Variants in RASSF3 observed in about 807,000 individuals in gnomAD.
RASSF3 encodes the protein ras association domain-containing protein 3.
In RASSF3, 19 loss-of-function variants were observed where a neutral mutation model predicts 19.9. The ratio of observed to expected loss-of-function variants is 0.96; its 90% confidence interval spans 0.67 to 1.40. The LOEUF (loss-of-function observed/expected upper bound fraction) is 1.40, where lower values mean the gene tolerates loss of function less well. Among genes scored for constraint, RASSF3 ranks in the 40% most tolerant of loss-of-function variants. The pLI is 0.00. For synonymous variants in RASSF3, 110 were observed against 104.2 expected, an observed-to-expected ratio of 1.06 and a Z score of -0.34; for missense variants, 306 against 289.8, an observed-to-expected ratio of 1.06 and a Z score of -0.41.
chr12:64,548,335 G>T (rs931728867), intron 2 of RASSF3, among the ~76,000 whole-genome samples: 32 of 130,416 alleles, frequency 2.5e-4, no homozygotes, highest in African/African-American at 7.6e-4. Flanking sequence ...ATCATGCCCA[G>T]CTAGTTTTTT....
chr12:64,513,925 G>T (rs1008536504), intron 1 of RASSF3, among the ~76,000 whole-genome samples: 1 of 152,086 alleles, frequency 6.6e-6, no homozygotes, highest in African/African-American at 2.4e-5. Flanking sequence ...TGTCACCCAG[G>T]CTGGAGTGCA....
chr12:64,568,989 C>A (rs1386683756), intron 2 of RASSF3, among the ~76,000 whole-genome samples: 1 of 152,198 alleles, frequency 6.6e-6, no homozygotes, highest in South Asian at 2.1e-4. Flanking sequence ...GGATTACAGG[C>A]GTGAGCCACT....
rs896759564 is a variant in RASSF3, at chr12:64,519,400, G to A, written c.169+12071G>A. ...CCAGCCTGGGTGACAGAGCAAGGCC[G>A]TCTCAAATACGTATATATATATATA... On this transcript the variant is annotated intron_variant, in intron 1 of 5. Transcript: ENST00000637125. Among the ~76,000 whole-genome samples the A allele has an allele frequency of 3.0e-4, 46 of 152,086 alleles. 1 individual carries two copies. Among genetic ancestry groups the A allele is most frequent in the African/African-American group, 1.1e-3 (44 of 41,484 alleles).
chr12:64,684,013 AGTGTGTGT>A (rs10598381), intron 1 of RASSF3, among the ~76,000 whole-genome samples: 3 of 138,400 alleles, frequency 2.2e-5, no homozygotes, highest in African/African-American at 5.3e-5. Flanking sequence ...AGAGAGAGTG[AGTGTGTGT>A]GTGTGTGTGT....
At chr12:64,607,450 A>G (rs1870214002), upstream of RASSF3, among the ~76,000 whole-genome samples, 1 of 151,134 alleles carries the variant, frequency 6.6e-6, no homozygotes, top group Non-Finnish European at 1.5e-5. Flanking sequence ...GCTCACTGCA[A>G]CCTCTGCCTC....
intron 1 of RASSF3, among the ~76,000 whole-genome samples, chr12:64,641,635 C>CT (rs1439745358): frequency 9.2e-5 from 9 of 97,962 alleles, no homozygotes; most frequent in East Asian, 3.0e-4. Context: ...ATCTCTCTCT[C>CT]TCTTTTTTTT....
At chr12:64,636,984 A>T (rs1225956485) in intron 1 of RASSF3, among the ~76,000 whole-genome samples, 1 of 152,052 alleles carries the variant, frequency 6.6e-6, no homozygotes, top group Non-Finnish European at 1.5e-5. Flanking sequence ...AGATACAGTT[A>T]GGTTATTCCA....
chr12:64,679,047 C>T lies in RASSF3; in HGVS notation c.112-5740C>T, dbSNP rs1873019064. Among the ~76,000 whole-genome samples the T allele has an allele frequency of 2.0e-5, 3 of 152,174 alleles. No individual in the cohort carries two copies. The South Asian group carries it at 6.2e-4, about 31-fold the overall frequency. On this transcript the variant is annotated intron_variant, in intron 1 of 4. Coordinates refer to ENST00000542104, the MANE Select transcript of RASSF3 (RefSeq NM_178169.4). ...TGATAGGGCCACATTCACCTTCTCT[C>T]TTTTGAACAGTCACTCGTTTTTTGA...
chr12:64,621,101 A>G (rs1870744711), intron 1 of RASSF3, among the ~76,000 whole-genome samples: 1 of 151,824 alleles, frequency 6.6e-6, no homozygotes, highest in Non-Finnish European at 1.5e-5. Flanking sequence ...ACGCCCTGCT[A>G]ATTTTTGTAT....
chr12:64,616,638 T>C (rs549322612), intron 1 of RASSF3, among the ~76,000 whole-genome samples: 12 of 152,270 alleles, frequency 7.9e-5, no homozygotes, highest in Non-Finnish European at 1.5e-4. Flanking sequence ...GATAAATGCA[T>C]GCAAAGGAGC....
At chr12:64,552,389 C>A (rs1869179661) in intron 2 of RASSF3, among the ~76,000 whole-genome samples, 1 of 151,822 alleles carries the variant, frequency 6.6e-6, no homozygotes, top group Non-Finnish European at 1.5e-5. Context: ...ATTTTTAGTT[C>A]TGGGGTACAT....
chr12:64,678,648 C>CAAAAAAAAAAAAA (rs767180678), intron 1 of RASSF3, among the ~76,000 whole-genome samples: 2 of 90,922 alleles, frequency 2.2e-5, no homozygotes, highest in Admixed American at 1.4e-4. Context: ...TCCGTAATAC[C>CAAAAAAAAAAAAA]AAAAAAAAAA....
At chr12:64,661,662 T>C (rs1350483384) in intron 1 of RASSF3, among the ~76,000 whole-genome samples, 2 of 146,164 alleles carry the variant, frequency 1.4e-5, no homozygotes, top group African/African-American at 5.3e-5. Context: ...AGACCCCATC[T>C]CTCTTTTTCT....
chr12:64,675,049 C>CCCCCG (rs796370099), intron 1 of RASSF3, among the ~76,000 whole-genome samples: 1 of 115,594 alleles, frequency 8.7e-6, no homozygotes, highest in African/African-American at 3.4e-5. Context: ...CACCTAGCCC[C>CCCCCG]CCCCCCCCCC....
At chr12:64,592,007 T>A (rs1869934001) in intron 2 of RASSF3, among the ~76,000 whole-genome samples, 1 of 151,824 alleles carries the variant, frequency 6.6e-6, no homozygotes, top group African/African-American at 2.4e-5. Flanking sequence ...ACCCACGAGA[T>A]CCTCCCACCT....
chr12:64,577,211 G>A (rs1269460599), intron 2 of RASSF3, among the ~76,000 whole-genome samples: 2 of 152,342 alleles, frequency 1.3e-5, no homozygotes, highest in Admixed American at 6.5e-5. Flanking sequence ...CATAAGGGTT[G>A]TGATGGCAGG....
chr12:64,541,902 C>T (rs1323401878), downstream of RASSF3, among the ~76,000 whole-genome samples: 1 of 152,094 alleles, frequency 6.6e-6, no homozygotes, highest in Non-Finnish European at 1.5e-5. Flanking sequence ...ATTTTAGAAA[C>T]AATAAGATAG....
At chr12:64,657,262 C>T (rs938693601) in intron 1 of RASSF3, among the ~76,000 whole-genome samples, 2 of 151,812 alleles carry the variant, frequency 1.3e-5, no homozygotes, top group Non-Finnish European at 2.9e-5. Flanking sequence ...TCTGCCCACC[C>T]GCAAAGTGCT....
chr12:64,544,651 G>C (rs767764838), downstream of RASSF3, among the ~76,000 whole-genome samples: 20 of 152,244 alleles, frequency 1.3e-4, no homozygotes, highest in Middle Eastern at 3.4e-3. Flanking sequence ...CAACGGTTTG[G>C]GGGCACTTGC....
Sources: allele counts gnomAD v4.1 joint callset (sites outside exome capture counted in the v4.1 genomes callset), GRCh38; gene constraint gnomAD v4.1.1; transcripts MANE v1.5; gene names NCBI Gene and HGNC (gene_info 2026-07-23, HGNC 2026-07-21).